The following ZFYVE1 variants were observed in gnomAD, a reference collection of about 807,000 sequenced individuals.
The protein encoded by ZFYVE1 is zinc finger FYVE domain-containing protein 1.
A neutral mutation model predicts 74.4 loss-of-function variants in ZFYVE1; 30 were observed. The ratio of observed to expected loss-of-function variants is 0.40; its 90% confidence interval spans 0.30 to 0.55. The LOEUF is 0.55. Ranked by LOEUF, ZFYVE1 falls within the 20% of genes least tolerant of loss-of-function variation. ZFYVE1 has a pLI of 0.42. For missense variants in ZFYVE1, 703 were observed against 1,011.6 expected (o/e 0.69, Z 4.14); for synonymous variants, 335 against 385.1 (o/e 0.87, Z 1.52).
intron 2 of ZFYVE1, among the ~76,000 whole-genome samples, chr14:73,002,741 CT>C (rs532732428): frequency 0.084 from 10,745 of 127,372 alleles, 512 homozygotes; most frequent in South Asian, 0.21. Context: ...GTTGCTTTTT[CT>C]TTTTTTTTTT....
At chr14:72,981,668 C>T in intron 5 of ZFYVE1, 121 bp downstream of exon 5, 1 of 923,890 alleles carries the variant, frequency 1.1e-6, no homozygotes, top group African/African-American at 1.6e-5. Context: ...TAATTTAAAT[C>T]AGAACCTGTA....
rs1400824249 is a variant in ZFYVE1 at position 72,975,297 on chromosome 14, TCACTGGTCGTCA to T, written c.1806+242_1806+253del. On this transcript the variant is annotated intron_variant, in intron 9 of 11. Coordinates refer to ENST00000556143, the MANE Select transcript of ZFYVE1 (RefSeq NM_021260.4). This position sits in a 1 kb window ranked among gnomAD's most constrained non-coding sequence, Gnocchi z 4.1. ...GGGTCCTCACATATCTAAGCAATAT[TCACTGGTCGTCA>T]CACACAAGGAAACTAAAACTCACCA... 3 of 549,378 alleles carry T rather than the reference TCACTGGTCGTCA, an allele frequency of 5.5e-6. No homozygotes were observed. Among genetic ancestry groups the T allele is most frequent in the Non-Finnish European group, 9.5e-6 (3 of 315,448 alleles). The allele number at this position is 549,378 out of a possible 1,614,324, so 34.0% of individuals were successfully genotyped here.
intron 2 of ZFYVE1, among the ~76,000 whole-genome samples, chr14:73,012,420 G>A (rs79932111): frequency 5.3e-5 from 8 of 152,062 alleles, no homozygotes; most frequent in African/African-American, 1.9e-4. Flanking sequence ...TCAGGAGTTC[G>A]AGACCAGCCT....
At chr14:73,018,210 C>T (rs1481613934) in intron 2 of ZFYVE1, among the ~76,000 whole-genome samples, 2 of 152,032 alleles carry the variant, frequency 1.3e-5, no homozygotes, top group Non-Finnish European at 2.9e-5. Flanking sequence ...GTGGGCAGAT[C>T]ACCTGAGGTC....
chr14:73,025,144 C>T (rs535461672), intron 1 of ZFYVE1, among the ~76,000 whole-genome samples: 26 of 151,390 alleles, frequency 1.7e-4, no homozygotes, highest in South Asian at 6.3e-4. Flanking sequence ...TCTCGGCTCA[C>T]TGCAACCTCC....
In ZFYVE1 at chr14:72,997,132, C is replaced by T. The variant is rs60420754; in HGVS notation, c.988+679G>A. Among the ~76,000 whole-genome samples the T allele has an allele frequency of 6.1e-3, 935 of 152,258 alleles. 13 individuals carry two copies. Among genetic ancestry groups the T allele is most frequent in the African/African-American group, 0.021 (890 of 41,540 alleles). ...GATGAACTGTCCGTGGTCCTAAGGC[C>T]GACCCTTCCACTCATGCATCACTCC... On this transcript the variant is annotated intron_variant, in intron 3 of 11. Coordinates refer to ENST00000556143, the MANE Select transcript of ZFYVE1 (RefSeq NM_021260.4).
Position 73,026,910 on chromosome 14 carries a change from G to A in ZFYVE1, c.-435+16C>T, listed in dbSNP as rs1894476095. 3.0e-6 allele frequency: 1 copy of A among 332,528 alleles called. No individual in the cohort carries two copies. Among genetic ancestry groups the A allele is most frequent in the Middle Eastern group, 7.9e-4 (1 of 1,262 alleles). 20.6% of individuals were successfully genotyped at this position (332,528 alleles called of 1,614,324 possible). On this transcript the variant is annotated intron_variant, in intron 1 of 11. Coordinates refer to ENST00000556143, the MANE Select transcript of ZFYVE1 (RefSeq NM_021260.4). ...CTCCCCGCCCTGCCCTGCCCGCCGC[G>A]GCCCGGGGATCCCACCACTGAGAAG...
intron 2 of ZFYVE1, among the ~76,000 whole-genome samples, chr14:73,011,315 A>G (rs1418734158): frequency 6.6e-6 from 1 of 151,780 alleles, no homozygotes; most frequent in Non-Finnish European, 1.5e-5. Flanking sequence ...ACAAAACCCC[A>G]TCTCTACTAA....
intron 2 of ZFYVE1, among the ~76,000 whole-genome samples, chr14:73,022,960 C>G (rs141414745): frequency 0.032 from 4,858 of 151,864 alleles, 111 homozygotes; most frequent in Non-Finnish European, 0.051. Flanking sequence ...GTCAGGAGTT[C>G]AAGATCAACC....
At chr14:72,983,820 T>C (rs1482626258) in intron 4 of ZFYVE1, among the ~76,000 whole-genome samples, 3 of 152,160 alleles carry the variant, frequency 2.0e-5, no homozygotes, top group Non-Finnish European at 4.4e-5. Flanking sequence ...TGTAAAAGTG[T>C]TCCTATTTCT....
At chr14:73,002,409 G>A (rs79811260) in intron 2 of ZFYVE1, among the ~76,000 whole-genome samples, 4,737 of 152,178 alleles carry the variant, frequency 0.031, 110 homozygotes, top group Middle Eastern at 0.092. Context: ...TGAATATTAT[G>A]GTATGTGAAT....
At position 72,970,967 on chromosome 14, in the gene ZFYVE1, T is replaced by C. The variant is rs1893018313; in HGVS notation, c.2249A>G (p.His750Arg). ...CGQGFCDECS[H>R]DRRAVPSRGW... ...ACGAGAAGGAACAGCCCGGCGGTCA[T>C]GGGAGCACTCATCACAGAAGCCCTG... The change falls in exon 12 of 12, where the codon CAT becomes CGT. Residue 750 changes from histidine to arginine, a missense_variant. By Grantham distance (29) the His-to-Arg change is conservative (BLOSUM62 0). Transcript: ENST00000556143. 3 of 1,614,222 alleles carry C rather than the reference T, an allele frequency of 1.9e-6. No individual in the cohort carries two copies. The highest frequency in any genetic ancestry group is 2.5e-6 in the Non-Finnish European group (3 of 1,180,044).
At chr14:72,992,615 G>GCCA (rs1555532793) in intron 4 of ZFYVE1, among the ~76,000 whole-genome samples, 3 of 109,088 alleles carry the variant, frequency 2.8e-5, no homozygotes, top group South Asian at 6.4e-4. Context: ...CCATTCAGGT[G>GCCA]CCCCCCCCGC....
chr14:73,012,052 T>C (rs191101918), intron 2 of ZFYVE1, among the ~76,000 whole-genome samples: 1 of 150,806 alleles, frequency 6.6e-6, no homozygotes, highest in African/African-American at 2.4e-5. Flanking sequence ...CCCATCTCTA[T>C]TAAAAATTAA....
chr14:72,975,842 AG>A lies in ZFYVE1; in HGVS notation c.1636-122del. 8.6e-7 allele frequency: 1 copy of A among 1,167,942 alleles called. No homozygotes were observed. The allele number at this position is 1,167,942 out of a possible 1,614,324, so 72.3% of individuals were successfully genotyped here. A position where few individuals can be genotyped will look rare whatever the true frequency, so the allele number is the denominator to read the frequency against. On this transcript the variant is annotated intron_variant, in intron 8 of 11. Transcript: ENST00000556143. This position sits in a 1 kb window ranked among gnomAD's most constrained non-coding sequence, Gnocchi z 4.1. ...AACTCAGAACCACTAACTCCCTGGC[AG>A]GGAAGAACGGAGACACACCAGGAAT...
At chr14:72,979,794 C>G (rs967406909) in intron 5 of ZFYVE1, among the ~76,000 whole-genome samples, 1 of 151,928 alleles carries the variant, frequency 6.6e-6, no homozygotes, top group African/African-American at 2.4e-5. Context: ...AAAATCCAAA[C>G]AAGATGAAAT....
rs769009990 is a variant in ZFYVE1, at chr14:72,994,555, G to A, written c.989-1198C>T. 3.8e-4 allele frequency among the ~76,000 whole-genome samples: 58 copies of A among 152,002 alleles called. 2 individuals carry two copies. The highest frequency in any genetic ancestry group is 7.4e-5 in the Non-Finnish European group (5 of 68,020). On this transcript the variant is annotated intron_variant, in intron 3 of 11. Transcript: ENST00000556143. ...ATGATACCTTGATATGATACGCACTGTTCTGTATGCACATTACACTTCAAG... is the reference window on the plus strand; with the variant it reads ...ATGATACCTTGATATGATACGCACTATTCTGTATGCACATTACACTTCAAG...
chr14:72,989,076 C>T (rs1893551477), intron 4 of ZFYVE1, among the ~76,000 whole-genome samples: 3 of 151,704 alleles, frequency 2.0e-5, no homozygotes, highest in Admixed American at 6.6e-5. Context: ...TACAGGCACC[C>T]GCCACCACAC....
intron 2 of ZFYVE1, among the ~76,000 whole-genome samples, chr14:73,013,810 T>C (rs2140382998): frequency 6.6e-6 from 1 of 152,120 alleles, no homozygotes; most frequent in East Asian, 1.9e-4. Flanking sequence ...ATCAAGCAAA[T>C]GTGTTCGATA....
Sources: allele counts gnomAD v4.1 joint callset (sites outside exome capture counted in the v4.1 genomes callset), GRCh38; gene constraint gnomAD v4.1.1; non-coding constraint Gnocchi (gnomAD v3.1); transcripts MANE v1.5; gene names NCBI Gene and HGNC (gene_info 2026-07-23, HGNC 2026-07-21).